The following LATS2 variants were observed in gnomAD, a reference collection of about 807,000 sequenced individuals.
LATS2 encodes serine/threonine-protein kinase LATS2.
Under a neutral mutation model 76.0 loss-of-function variants are expected in LATS2, and 24 were observed. The observed-to-expected ratio is 0.32, with a 90% CI of 0.23 to 0.44. The LOEUF is 0.44. Among genes scored for constraint, LATS2 ranks in the 20% least tolerant of loss-of-function variants. The pLI is 1.00. For missense variants in LATS2, 1,286 were observed against 1,481.2 expected (o/e 0.87, Z 2.16); for synonymous variants, 692 against 635.4 (o/e 1.09, Z -1.34).
At chr13:21,027,891 G>A (rs1951775313) in intron 2 of LATS2, among the ~76,000 whole-genome samples, 1 of 151,906 alleles carries the variant, frequency 6.6e-6, no homozygotes, top group African/African-American at 2.4e-5. Context: ...TCTGATCTGT[G>A]AACATACTCT....
intron 2 of LATS2, among the ~76,000 whole-genome samples, chr13:21,020,321 T>C (rs141778268): frequency 1.1e-3 from 164 of 152,246 alleles, no homozygotes; most frequent in African/African-American, 3.8e-3. Context: ...ATTCTATTAT[T>C]ATCCTATTAT....
intron 1 of LATS2, among the ~76,000 whole-genome samples, chr13:21,048,065 C>T (rs1873135015): frequency 6.6e-6 from 1 of 152,220 alleles, no homozygotes; most frequent in Non-Finnish European, 1.5e-5. Context: ...TCCCCTGGGG[C>T]CTGTACTGGC....
intron 2 of LATS2, among the ~76,000 whole-genome samples, chr13:21,039,106 C>A (rs532955043): frequency 2.0e-5 from 3 of 152,094 alleles, no homozygotes; most frequent in Non-Finnish European, 4.4e-5. Context: ...ATGTGGTGTG[C>A]CTTCTGGAAG....
chr13:20,989,363 A>C, intron 3 of LATS2, 59 bp from the exon 4 acceptor site: 1 of 1,580,838 alleles, frequency 6.3e-7, no homozygotes, highest in Admixed American at 1.7e-5. Flanking sequence ...GGGTTCTGGC[A>C]CTTCCAGGCT....
At chr13:21,003,109 G>T (rs1048833104) in intron 2 of LATS2, among the ~76,000 whole-genome samples, 3 of 152,126 alleles carry the variant, frequency 2.0e-5, no homozygotes, top group Admixed American at 2.0e-4. Flanking sequence ...TTTTCAAATA[G>T]GTAAGATGAC....
intron 2 of LATS2, among the ~76,000 whole-genome samples, chr13:21,014,975 C>G (rs965656869): frequency 1.3e-5 from 2 of 152,170 alleles, no homozygotes; most frequent in Non-Finnish European, 2.9e-5. Flanking sequence ...CTGTGAGCTC[C>G]GGGAGGGCAG....
At chr13:20,987,807 G>A (rs1259851145) in intron 4 of LATS2, 74 bp downstream of exon 4, 2 of 1,516,886 alleles carry the variant, frequency 1.3e-6, no homozygotes, top group South Asian at 1.3e-5. Context: ...AACAGAAAAG[G>A]GATTGTGCGT....
intron 2 of LATS2, among the ~76,000 whole-genome samples, chr13:21,015,322 C>A (rs541702620): frequency 3.3e-5 from 5 of 152,166 alleles, no homozygotes; most frequent in Non-Finnish European, 7.3e-5. Flanking sequence ...CAGGATCCTG[C>A]CCTGGAAGAA....
At chr13:20,990,621 T>C (rs1870466635) in intron 3 of LATS2, among the ~76,000 whole-genome samples, 1 of 152,026 alleles carries the variant, frequency 6.6e-6, no homozygotes, top group African/African-American at 2.4e-5. Flanking sequence ...CCACACAGTG[T>C]TGGGTTACAG....
intron 7 of LATS2, among the ~76,000 whole-genome samples, chr13:20,978,070 C>CA (rs1156576965): frequency 3.9e-5 from 6 of 152,056 alleles, no homozygotes; most frequent in Non-Finnish European, 1.5e-5. Context: ...CGCCCGCCCC[C>CA]ATGCCAGGCT....
chr13:21,019,430 G>A (rs1184724505), intron 2 of LATS2, among the ~76,000 whole-genome samples: 20 of 148,820 alleles, frequency 1.3e-4, no homozygotes, highest in East Asian at 1.2e-3. Flanking sequence ...GGGTTCAAGC[G>A]ATTCTCCTGC....
At chr13:20,996,167 T>C (rs2138306783) in intron 2 of LATS2, among the ~76,000 whole-genome samples, 1 of 152,288 alleles carries the variant, frequency 6.6e-6, no homozygotes, top group Non-Finnish European at 1.5e-5. Flanking sequence ...ATACCTGCAG[T>C]GTTCAACACT....
chr13:21,042,046 A>G (rs576895903), intron 2 of LATS2, among the ~76,000 whole-genome samples: 1 of 152,350 alleles, frequency 6.6e-6, no homozygotes, highest in East Asian at 1.9e-4. Flanking sequence ...AATGCTCAAA[A>G]TATGATACTC....
intron 2 of LATS2, among the ~76,000 whole-genome samples, chr13:21,010,902 C>G (rs1403651259): frequency 2.0e-5 from 3 of 152,222 alleles, no homozygotes; most frequent in Non-Finnish European, 2.9e-5. Flanking sequence ...ATAAATGGAC[C>G]TGAGTGAGAA....
chr13:21,005,578 A>G (rs1056994324), intron 2 of LATS2: 2 of 152,238 alleles, frequency 1.3e-5, no homozygotes, highest in Admixed American at 6.5e-5. Context: ...CTGGAGCTCT[A>G]GCAGCAGAAT....
At chr13:21,024,729 T>C (rs1446449435) in intron 2 of LATS2, among the ~76,000 whole-genome samples, 2 of 152,138 alleles carry the variant, frequency 1.3e-5, no homozygotes, top group African/African-American at 4.8e-5. Flanking sequence ...AAGATGTATA[T>C]TTCAACCCAA....
chr13:21,029,269 C>A (rs1872428479), intron 2 of LATS2, among the ~76,000 whole-genome samples: 1 of 152,180 alleles, frequency 6.6e-6, no homozygotes, highest in African/African-American at 2.4e-5. Flanking sequence ...TTGGTGATAG[C>A]TTTTGGTACA....
intron 7 of LATS2, among the ~76,000 whole-genome samples, chr13:20,976,830 T>C (rs642826): frequency 0.95 from 144,178 of 152,282 alleles, 68,302 homozygotes; most frequent in South Asian, 0.99. Flanking sequence ...GAACACTCAG[T>C]CACTGTTGGT....
At chr13:20,982,672 C>T (rs1006991924) in intron 5 of LATS2, among the ~76,000 whole-genome samples, 5 of 152,144 alleles carry the variant, frequency 3.3e-5, no homozygotes, top group East Asian at 1.9e-4. Context: ...ACAAAGGCCC[C>T]GTGACACCTT....
Sources: gnomAD v4.1 joint callset for allele counts (sites outside exome capture counted in the v4.1 genomes callset) on GRCh38, gnomAD v4.1.1 for gene constraint, MANE v1.5 for transcripts, NCBI Gene and HGNC (gene_info 2026-07-23, HGNC 2026-07-21) for gene names.